RAB3IP: variants seen among roughly 807,000 people sequenced by gnomAD.
The protein encoded by RAB3IP is RAB3A interacting protein.
Under a neutral mutation model 59.1 loss-of-function variants are expected in RAB3IP, and 36 were observed. The observed-to-expected ratio is 0.61, with a 90% confidence interval of 0.47 to 0.80. The LOEUF (loss-of-function observed/expected upper bound fraction) is 0.80. Ranked by LOEUF, RAB3IP falls within the 30% of genes least tolerant of loss-of-function variation. RAB3IP has a pLI of 0.00. For missense variants in RAB3IP, 511 were observed against 536.0 expected, an observed-to-expected ratio of 0.95 and a Z score of 0.46; for synonymous variants, 207 against 191.2, an observed-to-expected ratio of 1.08 and a Z score of -0.68.
intron 8 of RAB3IP, among the ~76,000 whole-genome samples, chr12:69,806,244 A>T (rs897061756): frequency 1.6e-4 from 24 of 152,112 alleles, no homozygotes; most frequent in African/African-American, 5.8e-4. Context: ...TGTGTCGAGG[A>T]ATTTATCCAT....
At chr12:69,756,717 C>G in intron 3 of RAB3IP, 54 bp downstream of exon 3, 2 of 1,471,484 alleles carry the variant, frequency 1.4e-6, no homozygotes, top group Non-Finnish European at 1.8e-6. Flanking sequence ...ATTAGTATTT[C>G]TCCATGGGGT....
In RAB3IP at chr12:69,783,384, C is replaced by G. The variant is rs149921677; in HGVS notation, c.511-1336C>G. On this transcript the variant is annotated intron_variant, in intron 3 of 10. Transcript: ENST00000247833. ...CTCTAGTATTTTCTGTCAACTGTTT[C>G]CTTTGGAACTTTGCCACTCCCTTCC... Among the ~76,000 whole-genome samples, 109 of 152,284 alleles carry G rather than the reference C, an allele frequency of 7.2e-4. 1 individual carries two copies. Among genetic ancestry groups the G allele is most frequent in the African/African-American group, 2.5e-3 (105 of 41,566 alleles).
At position 69,753,229 on chromosome 12, in the gene RAB3IP, T is replaced by C. The variant is rs184037250; in HGVS notation, c.-25-2155T>C. Among the ~76,000 whole-genome samples, 126 of 152,362 alleles carry C rather than the reference T, an allele frequency of 8.3e-4. 1 individual carries two copies. Among genetic ancestry groups the C allele is most frequent in the African/African-American group, 3.0e-3 (125 of 41,598 alleles). On this transcript the variant is annotated intron_variant, in intron 1 of 10. Transcript: ENST00000247833. Reference sequence around the variant, plus strand: ...TCTTTCAACTTTGCTGAAATCTTTTTGTTTTTATTCTCTACTTGTATTAAC... The same window carrying C: ...TCTTTCAACTTTGCTGAAATCTTTTCGTTTTTATTCTCTACTTGTATTAAC...
rs1346914952 is a variant in RAB3IP, at chr12:69,795,232, G to A, written c.776G>A (p.Gly259Glu). ...CCTACGCAGGAGCCTTTGCCAGGTG[G>A]AAAGACACCTTTTAAAAAGGGGCAT... ...TSPTQEPLPG[G>E]KTPFKKGHTR... The change falls in exon 6 of 11, where the codon GGA (glycine) becomes GAA (glutamate). Residue 259 changes from glycine to glutamate, a missense_variant. Gly to Glu is a moderately conservative substitution (Grantham distance 98, BLOSUM62 -2). Transcript: ENST00000247833. 1.9e-6 allele frequency: 3 copies of A among 1,613,902 alleles called. No individual in the cohort carries two copies. In the African/African-American group the frequency reaches 4.0e-5, roughly 22 times the overall value.
At chr12:69,799,439 G>A (rs565380341) in intron 6 of RAB3IP, among the ~76,000 whole-genome samples, 5 of 152,268 alleles carry the variant, frequency 3.3e-5, no homozygotes, top group Admixed American at 3.3e-4. Flanking sequence ...AATACTTGGG[G>A]AAAATTTATT....
intron 10 of RAB3IP, 79 bp from the exon 11 acceptor site, chr12:69,815,285 C>G: frequency 9.8e-7 from 1 of 1,017,840 alleles, no homozygotes; most frequent in Non-Finnish European, 1.5e-6. Flanking sequence ...GACATTTCAG[C>G]TAAGGTTTTC....
chr12:69,800,225 A>G lies in RAB3IP; in HGVS notation c.905A>G (p.Tyr302Cys). Reference protein sequence around the residue: ...KDCKEADLSLYNEFRLWKDEP... With the variant: ...KDCKEADLSLCNEFRLWKDEP... ...GTTTGTTAGGCTGACTTATCCTTGT[A>G]TAATGAATTCCGATTGTGGAAGGAT... Residue 302 changes from tyrosine (Y) to cysteine (C), a missense_variant, in exon 7 of 11, where the codon TAT becomes TGT. Tyr to Cys is a radical substitution (Grantham distance 194). Coordinates refer to ENST00000247833, the MANE Select transcript of RAB3IP (RefSeq NM_022456.5). The G allele has an allele frequency of 6.4e-7, 1 of 1,555,124 alleles. No individual in the cohort carries two copies. Among genetic ancestry groups the G allele is most frequent in the Non-Finnish European group, 8.6e-7 (1 of 1,156,454 alleles).
chr12:69,780,213 C>T (rs748165552), intron 3 of RAB3IP, among the ~76,000 whole-genome samples: 12 of 152,210 alleles, frequency 7.9e-5, no homozygotes, highest in African/African-American at 1.9e-4. Context: ...CATGTTTCCC[C>T]GCAATTCCCT....
intron 1 of RAB3IP, among the ~76,000 whole-genome samples, chr12:69,742,607 C>G (rs1426797331): frequency 6.6e-6 from 1 of 152,028 alleles, no homozygotes; most frequent in Non-Finnish European, 1.5e-5. Context: ...AACATCGGGC[C>G]AGGTAAGTAC....
chr12:69,794,168 C>T (rs1204171337), intron 4 of RAB3IP, among the ~76,000 whole-genome samples: 2 of 152,194 alleles, frequency 1.3e-5, no homozygotes, highest in African/African-American at 4.8e-5. Context: ...GCCTTCGTCA[C>T]ATTCACAGTC....
intron 1 of RAB3IP, among the ~76,000 whole-genome samples, chr12:69,743,676 A>C (rs942481798): frequency 6.6e-6 from 1 of 152,164 alleles, no homozygotes; most frequent in Non-Finnish European, 1.5e-5. Context: ...ACAGAATCTG[A>C]ACTAGAAGGA....
chr12:69,771,117 C>T (rs2096105950), intron 3 of RAB3IP, among the ~76,000 whole-genome samples: 1 of 152,170 alleles, frequency 6.6e-6, no homozygotes, highest in South Asian at 2.1e-4. Context: ...ATTTGTCCTT[C>T]TGTACTTGGT....
intron 3 of RAB3IP, among the ~76,000 whole-genome samples, chr12:69,760,400 A>G (rs540587755): frequency 1.3e-5 from 2 of 152,142 alleles, no homozygotes; most frequent in South Asian, 4.2e-4. Context: ...CCGTGGGGAG[A>G]GGGAGAGGGA....
At chr12:69,739,546 C>A in intron 1 of RAB3IP, 1 of 461,800 alleles carries the variant, frequency 2.2e-6, no homozygotes. Flanking sequence ...GTTTCGTGTC[C>A]CAGTCTTAGG....
chr12:69,804,576 T>C (rs964919740), intron 8 of RAB3IP, among the ~76,000 whole-genome samples: 1 of 152,256 alleles, frequency 6.6e-6, no homozygotes, highest in Admixed American at 6.5e-5. Flanking sequence ...TGTCCATGCC[T>C]ATGTCCTGAA....
chr12:69,794,200 A>T (rs567872584), intron 4 of RAB3IP, among the ~76,000 whole-genome samples: 67 of 152,256 alleles, frequency 4.4e-4, no homozygotes, highest in Non-Finnish European at 8.4e-4. Context: ...ATCTATCCGG[A>T]TGATTGATCT....
chr12:69,794,125 A>G (rs1877070359), intron 4 of RAB3IP, among the ~76,000 whole-genome samples: 1 of 152,192 alleles, frequency 6.6e-6, no homozygotes, highest in Non-Finnish European at 1.5e-5. Flanking sequence ...GCTGACTGCA[A>G]AGGAGTTGGC....
chr12:69,788,573 A>G (rs1193535961), intron 4 of RAB3IP, among the ~76,000 whole-genome samples: 1 of 152,152 alleles, frequency 6.6e-6, no homozygotes, highest in Non-Finnish European at 1.5e-5. Context: ...ACAAACTGAC[A>G]GATCTGAAGG....
At chr12:69,791,548 C>A (rs888889689) in intron 4 of RAB3IP, among the ~76,000 whole-genome samples, 2 of 152,138 alleles carry the variant, frequency 1.3e-5, no homozygotes, top group African/African-American at 4.8e-5. Context: ...TACAAATGGC[C>A]AACCGGTATA....
Sources: gnomAD v4.1 joint callset for allele counts (sites outside exome capture counted in the v4.1 genomes callset) on GRCh38, gnomAD v4.1.1 for gene constraint, MANE v1.5 for transcripts, NCBI Gene and HGNC (gene_info 2026-07-23, HGNC 2026-07-21) for gene names.